Variants in TSC2 observed in about 807,000 individuals in gnomAD.
TSC2 encodes the protein tuberin.
TSC2 carries 29 observed loss-of-function variants against 202.2 expected under a neutral mutation model. The observed-to-expected ratio is 0.14, with a 90% confidence interval of 0.11 to 0.20. The LOEUF (loss-of-function observed/expected upper bound fraction) is 0.20, where lower values mean the gene tolerates loss of function less well. Ranked by LOEUF, TSC2 falls within the 10% of genes least tolerant of loss-of-function variation. The probability of loss-of-function intolerance (pLI) is 1.00; values close to 1 mark genes in which losing one functional copy is unlikely to be tolerated. For synonymous variants in TSC2, 1,349 were observed against 1,044.0 expected (o/e 1.29, Z -5.63); for missense variants, 2,429 against 2,420.0 (o/e 1.00, Z -0.08).
In TSC2 at chr16:2,062,620, C is replaced by G. The variant is rs538626543; in HGVS notation, c.1361+20C>G. 9.1e-5 allele frequency: 145 copies of G among 1,589,900 alleles called. 1 individual carries two copies. In the South Asian group the frequency reaches 1.5e-3, roughly 16 times the overall value. Reference sequence around the variant, plus strand: ...CTTCAGGTAGGGGGTCCTCTGTAGCCTTGCCTGGCACCTGGAGCCTGGCCC... The same window carrying G: ...CTTCAGGTAGGGGGTCCTCTGTAGCGTTGCCTGGCACCTGGAGCCTGGCCC... On this transcript the variant is annotated intron_variant, in intron 13 of 41. Transcript: ENST00000219476.
chr16:2,060,261 C>T (rs1318462725), intron 10 of TSC2, among the ~76,000 whole-genome samples: 3 of 152,164 alleles, frequency 2.0e-5, no homozygotes, highest in South Asian at 2.1e-4. Context: ...TGATGAGCTG[C>T]GGTGTGGGTC....
At chr16:2,065,481 C>T (rs1800741) in intron 15 of TSC2, 38 bp from the exon 16 acceptor site, 5 of 1,486,548 alleles carry the variant, frequency 3.4e-6, no homozygotes, top group Admixed American at 1.7e-5. Flanking sequence ...GACTCAGAAC[C>T]ATGAGCCTGT....
chr16:2,086,525 G>A (rs564546141), intron 37 of TSC2, 146 bp downstream of exon 37: 41 of 1,402,700 alleles, frequency 2.9e-5, no homozygotes, highest in Middle Eastern at 2.3e-4. Context: ...GCCTAACAGC[G>A]TGGGCATGGA....
At chr16:2,062,141 C>A (rs995245697) in intron 12 of TSC2, 133 bp downstream of exon 12, 4 of 1,334,008 alleles carry the variant, frequency 3.0e-6, no homozygotes, top group African/African-American at 1.5e-5. Context: ...TTTCTGCACT[C>A]GGCAGGGAAG....
intron 16 of TSC2, among the ~76,000 whole-genome samples, chr16:2,069,369 T>C (rs1357195036): frequency 6.6e-6 from 1 of 152,106 alleles, no homozygotes; most frequent in Non-Finnish European, 1.5e-5. Flanking sequence ...CCAGCTGGAG[T>C]GCAGTGGCGC....
chr16:2,065,721 CCCCAGCGGGACCCACACCCT>C (rs894581184), intron 16 of TSC2, 86 bp downstream of exon 16: 2 of 1,226,572 alleles, frequency 1.6e-6, no homozygotes, highest in Admixed American at 3.4e-5. Flanking sequence ...GGAGTCTGTT[CCCCAGCGGGACCCACACCCT>C]CCCTGGATTT....
chr16:2,081,919 G>A, intron 31 of TSC2, 121 bp downstream of exon 31: 1 of 1,331,304 alleles, frequency 7.5e-7, no homozygotes, highest in South Asian at 1.3e-5. Flanking sequence ...TCCCTGGCCT[G>A]CCTCAGCACC....
chr16:2,086,402 T>TC, intron 37 of TSC2, 23 bp downstream of exon 37: 1 of 1,608,654 alleles, frequency 6.2e-7, no homozygotes, highest in Non-Finnish European at 8.5e-7. Flanking sequence ...GCCTACCCGC[T>TC]CCTGCTGCCC....
In TSC2 at chr16:2,076,066, A is replaced by G. The variant is rs137854380; in HGVS notation, c.2640-2A>G. Reference sequence around the variant, plus strand: ...GGAGTGCCAGCCCCCTTCTCATCTCAGGTTTAATCAGTACATCGTGTGTCT... The same window carrying G: ...GGAGTGCCAGCCCCCTTCTCATCTCGGGTTTAATCAGTACATCGTGTGTCT... On this transcript the variant is annotated splice_acceptor_variant, in intron 23 of 41. Transcript: ENST00000219476. LOFTEE classifies it high-confidence loss of function. The G allele has an allele frequency of 6.2e-7, 1 of 1,613,852 alleles. No individual in the cohort carries two copies. Among genetic ancestry groups the G allele is most frequent in the Non-Finnish European group, 8.5e-7 (1 of 1,180,018 alleles).
chr16:2,065,771 C>T, intron 16 of TSC2, 136 bp downstream of exon 16: 2 of 766,562 alleles, frequency 2.6e-6, no homozygotes, highest in Non-Finnish European at 4.5e-6. Context: ...GCGGTGGTCT[C>T]AGCAGGCAGC....
intron 31 of TSC2, 26 bp downstream of exon 31, chr16:2,081,824 C>T (rs374901583): frequency 1.2e-5 from 20 of 1,609,518 alleles, no homozygotes; most frequent in African/African-American, 5.3e-5. Context: ...GGCCTTGGCA[C>T]GGGCTCTGCT....
chr16:2,077,937 C>T (rs1845763215), intron 26 of TSC2, among the ~76,000 whole-genome samples: 1 of 152,188 alleles, frequency 6.6e-6, no homozygotes, highest in African/African-American at 2.4e-5. Flanking sequence ...TCCCCAGGCC[C>T]CCTCGGGGTG....
chr16:2,088,715 C>G lies in TSC2; in HGVS notation c.*105C>G, dbSNP rs2091243107. Reference sequence around the variant, plus strand: ...CAGACATAGAGGCACAGATTGCAGTCAGACAGCTCTTTTATTGACTTTGTC... The same window carrying G: ...CAGACATAGAGGCACAGATTGCAGTGAGACAGCTCTTTTATTGACTTTGTC... On this transcript the variant is annotated 3_prime_UTR_variant, in exon 42 of 42. Transcript: ENST00000219476. The G allele has an allele frequency of 9.8e-6, 14 of 1,427,574 alleles. No individual in the cohort carries two copies. The South Asian group carries it at 1.6e-4, about 17-fold the overall frequency. 88.4% of individuals were successfully genotyped at this position (1,427,574 alleles called of 1,614,324 possible).
At chr16:2,054,261 G>A (rs2151039040) in intron 4 of TSC2, 35 bp from the exon 5 acceptor site, 1 of 1,613,906 alleles carries the variant, frequency 6.2e-7, no homozygotes, top group Non-Finnish European at 8.5e-7. Flanking sequence ...GGCGACGCTG[G>A]CAGGCTCTGC....
chr16:2,085,083 TG>T (rs1369772607), intron 35 of TSC2, 57 bp downstream of exon 35: 2 of 1,608,446 alleles, frequency 1.2e-6, no homozygotes, highest in African/African-American at 1.3e-5. Context: ...GGGTGAATGG[TG>T]GGGGGCCCAG....
chr16:2,062,765 A>C lies in TSC2; in HGVS notation c.1361+165A>C, dbSNP rs543582280. The C allele has an allele frequency of 5.4e-6, 5 of 923,314 alleles. No homozygotes were observed. The South Asian group carries it at 7.3e-5, about 13-fold the overall frequency. The allele number at this position is 923,314 out of a possible 1,614,324, so 57.2% of individuals were successfully genotyped here. A position where few individuals can be genotyped will look rare whatever the true frequency, so the allele number is the denominator to read the frequency against. ...CAGGTGCTAGCTTGCTTTCCAGTCC[A>C]GCAGGACAGGTCCTCTCATGACGCC... On this transcript the variant is annotated intron_variant, in intron 13 of 41. Transcript: ENST00000219476.
Position 2,064,347 on chromosome 16 carries a change from C to G in TSC2, c.1519C>G (p.Leu507Val), listed in dbSNP as rs2087019774. 6.2e-7 allele frequency: 1 copy of G among 1,613,732 alleles called. No homozygotes were observed. The change falls in exon 15 of 42, where the codon CTG becomes GTG. Residue 507 changes from leucine to valine, a missense_variant. Coordinates refer to ENST00000219476, the MANE Select transcript of TSC2 (RefSeq NM_000548.5). ...PEDKDHQVRK[L>V]ATQLLVDLAE... is the part of the protein sequence containing the mutation. The stretch of plus-strand genomic sequence containing the variant: ...GGATAAAGACCACCAGGTCCGAAAG[C>G]TGGCCACCCAGTTGCTGGTGGACCT...
Position 2,084,621 on chromosome 16 carries a change from G to A in TSC2, c.4399G>A (p.Ala1467Thr), listed in dbSNP as rs774980656. 2 of 1,601,216 alleles carry A rather than the reference G, an allele frequency of 1.2e-6. No homozygotes were observed. Among genetic ancestry groups the A allele is most frequent in the South Asian group, 2.2e-5 (2 of 91,076 alleles). Reference protein sequence around the residue: ...RPRGYTISDSAPSRRGKRVER... With the variant: ...RPRGYTISDSTPSRRGKRVER... ...CCGAGGTTACACCATCTCCGACTCG[G>A]CCCCATCACGCAGGGGCAAGAGAGT... Residue 1467 changes from alanine to threonine, a missense_variant, in exon 34 of 42, where the codon GCC (alanine) becomes ACC (threonine). Ala to Thr is a moderately conservative substitution (Grantham distance 58). Coordinates refer to ENST00000219476, the MANE Select transcript of TSC2 (RefSeq NM_000548.5).
intron 33 of TSC2, 143 bp from the exon 34 acceptor site, chr16:2,084,085 G>A (rs1005463045): frequency 2.1e-6 from 3 of 1,455,070 alleles, no homozygotes; most frequent in South Asian, 2.5e-5. Flanking sequence ...CTGCGTCAAC[G>A]GGCGGGGGCC....
Sources: gnomAD v4.1 joint callset for allele counts (sites outside exome capture counted in the v4.1 genomes callset) on GRCh38, gnomAD v4.1.1 for gene constraint, MANE v1.5 for transcripts, NCBI Gene and HGNC (gene_info 2026-07-23, HGNC 2026-07-21) for gene names.